Variants in PLEKHM3 observed in about 807,000 individuals in gnomAD.
PLEKHM3 encodes the protein pleckstrin homology domain-containing family M member 3.
A neutral mutation model predicts 81.8 loss-of-function variants in PLEKHM3; 45 were observed. That is an observed-to-expected ratio of 0.55 (90% CI 0.43 to 0.71). The LOEUF (loss-of-function observed/expected upper bound fraction) is 0.71, where lower values mean the gene tolerates loss of function less well. Ranked by LOEUF, PLEKHM3 falls within the 30% of genes least tolerant of loss-of-function variation. The pLI, the probability that PLEKHM3 is intolerant of heterozygous loss-of-function variation, is 0.00. For synonymous variants in PLEKHM3, 352 were observed against 356.4 expected (o/e 0.99, Z 0.14); for missense variants, 788 against 924.3 (o/e 0.85, Z 1.91).
At chr2:207,901,053 A>T (rs981427348) in intron 6 of PLEKHM3, 4 of 571,064 alleles carry the variant, frequency 7.0e-6, no homozygotes, top group Non-Finnish European at 1.2e-5. Flanking sequence ...TGCAGCCTCA[A>T]CCGGTATTGT....
chr2:207,931,170 C>T (rs1309194646), intron 4 of PLEKHM3, 51 bp from the exon 5 acceptor site: 2 of 1,485,906 alleles, frequency 1.3e-6, no homozygotes, highest in Non-Finnish European at 1.8e-6. Flanking sequence ...TGGCTCTCCA[C>T]ACCTGCTCAA....
At chr2:207,951,021 C>T (rs528615809) in intron 3 of PLEKHM3, among the ~76,000 whole-genome samples, 1 of 152,320 alleles carries the variant, frequency 6.6e-6, no homozygotes, top group East Asian at 1.9e-4. Flanking sequence ...AAAAACAACA[C>T]ATGCCATTTA....
chr2:207,909,368 C>T (rs1020603801), intron 5 of PLEKHM3, among the ~76,000 whole-genome samples: 1 of 152,180 alleles, frequency 6.6e-6, no homozygotes, highest in African/African-American at 2.4e-5. Flanking sequence ...AAACAAAATC[C>T]ATGATACTAA....
chr2:207,936,841 A>T (rs1434607621), intron 4 of PLEKHM3, among the ~76,000 whole-genome samples: 1 of 140,898 alleles, frequency 7.1e-6, no homozygotes, highest in African/African-American at 2.8e-5. Flanking sequence ...CTGGTTAGAT[A>T]AATTAGTGTG....
At chr2:207,969,445 G>A (rs1308733889) in intron 3 of PLEKHM3, among the ~76,000 whole-genome samples, 1 of 152,158 alleles carries the variant, frequency 6.6e-6, no homozygotes, top group African/African-American at 2.4e-5. Flanking sequence ...TATTGCTAGG[G>A]TAAAGGTATC....
At chr2:207,845,370 C>A (rs997059732) in intron 7 of PLEKHM3, among the ~76,000 whole-genome samples, 5 of 152,186 alleles carry the variant, frequency 3.3e-5, no homozygotes, top group Non-Finnish European at 7.3e-5. Context: ...AAAGTCAACA[C>A]ATTTTGTTTG....
chr2:207,845,376 G>C (rs1354809824), intron 7 of PLEKHM3, among the ~76,000 whole-genome samples: 1 of 152,196 alleles, frequency 6.6e-6, no homozygotes, highest in Non-Finnish European at 1.5e-5. Flanking sequence ...AACACATTTT[G>C]TTTGGAAAGG....
At chr2:207,874,244 A>T (rs532383080) in intron 6 of PLEKHM3, among the ~76,000 whole-genome samples, 5 of 152,264 alleles carry the variant, frequency 3.3e-5, no homozygotes, top group South Asian at 4.1e-4. Context: ...CCATCAGGGA[A>T]AGCAAATAAG....
At chr2:207,833,554 C>A (rs1220625379) in intron 7 of PLEKHM3, among the ~76,000 whole-genome samples, 14 of 152,004 alleles carry the variant, frequency 9.2e-5, no homozygotes, top group African/African-American at 2.9e-4. Context: ...GGGATCTCAA[C>A]CTTGGCCCTA....
At chr2:207,924,170 G>A (rs1689306131) in intron 5 of PLEKHM3, among the ~76,000 whole-genome samples, 1 of 151,374 alleles carries the variant, frequency 6.6e-6, no homozygotes, top group South Asian at 2.1e-4. Context: ...CTCCCAAAGT[G>A]CTGGGATTAC....
rs139216285 is a variant in PLEKHM3 at position 207,956,642 on chromosome 2, C to T, written c.1547-10130G>A. Among the ~76,000 whole-genome samples the T allele has an allele frequency of 2.7e-3, 402 of 150,846 alleles. 5 individuals carry two copies. The highest frequency in any genetic ancestry group is 9.3e-3 in the African/African-American group (381 of 41,056). On this transcript the variant is annotated intron_variant, in intron 3 of 7. Coordinates refer to ENST00000427836, the MANE Select transcript of PLEKHM3 (RefSeq NM_001080475.3). ...CTCATTGCAGCCTCAACCCCCTGGG[C>T]TCAAGTGATCCTCCCACCTCAGCCT...
At chr2:207,924,485 GAC>G (rs1689320056) in intron 5 of PLEKHM3, among the ~76,000 whole-genome samples, 1 of 151,818 alleles carries the variant, frequency 6.6e-6, no homozygotes, top group Admixed American at 6.6e-5. Context: ...AGGAGTTCAA[GAC>G]CAGCCTGGCC....
At chr2:207,949,657 G>T (rs929767810) in intron 3 of PLEKHM3, among the ~76,000 whole-genome samples, 1 of 152,180 alleles carries the variant, frequency 6.6e-6, no homozygotes, top group Non-Finnish European at 1.5e-5. Flanking sequence ...TAGACAAATT[G>T]ACTGAACACT....
chr2:207,897,530 CT>C (rs1688265053), intron 6 of PLEKHM3, among the ~76,000 whole-genome samples: 1 of 152,194 alleles, frequency 6.6e-6, no homozygotes. Flanking sequence ...AGATGAAGTG[CT>C]TAAGGCACAA....
At chr2:207,867,383 T>C (rs949969807) in intron 6 of PLEKHM3, among the ~76,000 whole-genome samples, 1 of 152,244 alleles carries the variant, frequency 6.6e-6, no homozygotes, top group African/African-American at 2.4e-5. Context: ...GAGGTAATAG[T>C]ATGAAGTTTA....
intron 4 of PLEKHM3, among the ~76,000 whole-genome samples, chr2:207,938,529 CTGAT>C (rs1689836009): frequency 6.6e-6 from 1 of 152,168 alleles, no homozygotes; most frequent in Non-Finnish European, 1.5e-5. Context: ...GTCTTGGAAA[CTGAT>C]AGGTCTGAAT....
chr2:208,002,690 C>T (rs897825931), intron 1 of PLEKHM3, among the ~76,000 whole-genome samples: 1 of 152,076 alleles, frequency 6.6e-6, no homozygotes, highest in African/African-American at 2.4e-5. Context: ...TACATCTCTA[C>T]CTGGGCAGAA....
chr2:207,879,741 C>T (rs761568156), intron 6 of PLEKHM3, among the ~76,000 whole-genome samples: 1 of 152,166 alleles, frequency 6.6e-6, no homozygotes, highest in Non-Finnish European at 1.5e-5. Context: ...GCTCTCTAAA[C>T]AAGAGGACAA....
intron 7 of PLEKHM3, among the ~76,000 whole-genome samples, chr2:207,859,884 A>C (rs1346651484): frequency 6.6e-6 from 1 of 152,186 alleles, no homozygotes; most frequent in Non-Finnish European, 1.5e-5. Context: ...GGCGTGAGCC[A>C]CCGCACCCAG....
Sources: gnomAD v4.1 joint callset for allele counts (sites outside exome capture counted in the v4.1 genomes callset) on GRCh38, gnomAD v4.1.1 for gene constraint, MANE v1.5 for transcripts, NCBI Gene and HGNC (gene_info 2026-07-23, HGNC 2026-07-21) for gene names.